The following KIF13A variants were observed in gnomAD, a reference collection of about 807,000 sequenced individuals.
KIF13A encodes kinesin-like protein KIF13A.
KIF13A carries 79 observed loss-of-function variants against 212.2 expected under a neutral mutation model. The ratio of observed to expected loss-of-function variants is 0.37; its 90% confidence interval spans 0.31 to 0.45. The LOEUF is 0.45. Among genes scored for constraint, KIF13A ranks in the 20% least tolerant of loss-of-function variants. The pLI, the probability that KIF13A is intolerant of heterozygous loss-of-function variation, is 1.00. For synonymous variants in KIF13A, 789 were observed against 808.6 expected (o/e 0.98, Z 0.41); for missense variants, 1,901 against 2,209.0 (o/e 0.86, Z 2.79).
At chr6:17,959,705 TGG>T (rs1193972885) in intron 2 of KIF13A, among the ~76,000 whole-genome samples, 7 of 152,246 alleles carry the variant, frequency 4.6e-5, no homozygotes, top group Admixed American at 1.3e-4. Flanking sequence ...GGACATCTAA[TGG>T]TAGCTTTCCT....
chr6:17,786,281 C>T lies in KIF13A; in HGVS notation c.3362-640G>A, dbSNP rs78604057. 0.04 allele frequency among the ~76,000 whole-genome samples: 6,063 copies of T among 152,192 alleles called. 303 individuals carry two copies. Among genetic ancestry groups the T allele is most frequent in the African/African-American group, 0.11 (4,701 of 41,494 alleles). On this transcript the variant is annotated intron_variant, in intron 27 of 38. Coordinates refer to ENST00000259711, the MANE Select transcript of KIF13A (RefSeq NM_022113.6). The surrounding 1 kb of genome is among the most constrained non-coding windows in gnomAD (Gnocchi z 5.4). ...TGTGACACTGCTTTATAGAACTATA[C>T]ATGATGTTACAAAGACAGGATTAAA...
intron 2 of KIF13A, among the ~76,000 whole-genome samples, chr6:17,949,169 TG>T (rs1323572888): frequency 2.0e-5 from 3 of 152,204 alleles, no homozygotes; most frequent in Non-Finnish European, 4.4e-5. Flanking sequence ...TAGTCTCCTC[TG>T]GGTCAAAAAG....
At chr6:17,973,271 GACT>G (rs1245327802) in intron 2 of KIF13A, among the ~76,000 whole-genome samples, 1 of 152,152 alleles carries the variant, frequency 6.6e-6, no homozygotes, top group Non-Finnish European at 1.5e-5. Context: ...TATATAAGAT[GACT>G]ACTAATTAAA....
rs746368799 is a variant in KIF13A, at chr6:17,771,224, A to G, written c.4477-6T>C. On this transcript the variant is annotated splice_polypyrimidine_tract_variant and splice_region_variant and intron_variant, in intron 37 of 38. Coordinates refer to ENST00000259711, the MANE Select transcript of KIF13A (RefSeq NM_022113.6). The surrounding 1 kb of genome is among the most constrained non-coding windows in gnomAD (Gnocchi z 5.4). ...GCCTGAGGTGGAGGCATGCTCTGCA[A>G]AGGTTAAGACACACAGATGCATCAC... The G allele has an allele frequency of 1.2e-6, 2 of 1,602,574 alleles. No homozygotes were observed. Among genetic ancestry groups the G allele is most frequent in the Non-Finnish European group, 8.5e-7 (1 of 1,171,176 alleles).
rs71002284 is a variant in KIF13A at position 17,917,235 on chromosome 6, C to CTT, written c.147-19057_147-19056dup. The stretch of plus-strand genomic sequence containing the variant: ...AGCATATTCTACATTTTACACGATT[C>CTT]TTTTTTTTTTTTTTTTTTTTTTTGA... On this transcript the variant is annotated intron_variant, in intron 2 of 38. Transcript: ENST00000259711. 3.8e-3 allele frequency among the ~76,000 whole-genome samples: 301 copies of CTT among 79,054 alleles called. 2 individuals carry two copies. The highest frequency in any genetic ancestry group is 6.9e-3 in the African/African-American group (127 of 18,504). 51.9% of individuals were successfully genotyped at this position (79,054 alleles called of 152,430 possible). A position where few individuals can be genotyped will look rare whatever the true frequency, so the allele number is the denominator to read the frequency against.
chr6:17,976,356 G>A (rs979111931), intron 2 of KIF13A, among the ~76,000 whole-genome samples: 1 of 152,348 alleles, frequency 6.6e-6, no homozygotes, highest in South Asian at 2.1e-4. Flanking sequence ...AAGGCCCGGC[G>A]AGAAATCGAG....
chr6:17,832,958 G>A (rs185480363), intron 12 of KIF13A, among the ~76,000 whole-genome samples: 2 of 138,932 alleles, frequency 1.4e-5, no homozygotes, highest in Admixed American at 7.6e-5. Context: ...AGGTTGCAGT[G>A]AGCCGAGATT....
At position 17,794,512 on chromosome 6, in the gene KIF13A, A is replaced by C. The variant is rs1761868746; in HGVS notation, c.3075+60T>G. 4.5e-6 allele frequency: 7 copies of C among 1,566,954 alleles called. No individual in the cohort carries two copies. The East Asian group carries it at 1.6e-4, about 35-fold the overall frequency. ...AAATAGTTAGAAAATCCCCAGAAACAATGTGTAAGAGTGGAACAGAGAGAA... is the reference window on the plus strand; with the variant it reads ...AAATAGTTAGAAAATCCCCAGAAACCATGTGTAAGAGTGGAACAGAGAGAA... On this transcript the variant is annotated intron_variant, in intron 24 of 38. Transcript: ENST00000259711. This position sits in a 1 kb window ranked among gnomAD's most constrained non-coding sequence, Gnocchi z 4.1.
At chr6:17,766,458 A>G (rs1173328881) in intron 38 of KIF13A, among the ~76,000 whole-genome samples, 1 of 152,062 alleles carries the variant, frequency 6.6e-6, no homozygotes, top group Non-Finnish European at 1.5e-5. Flanking sequence ...GGCTTGTCTC[A>G]AACTGCCGAC....
chr6:17,969,092 C>T (rs1039931445), intron 2 of KIF13A, among the ~76,000 whole-genome samples: 1 of 152,206 alleles, frequency 6.6e-6, no homozygotes, highest in Non-Finnish European at 1.5e-5. Flanking sequence ...ATCCAAGGCA[C>T]TTACTATGTA....
At chr6:17,868,090 G>A (rs1769593632) in intron 4 of KIF13A, among the ~76,000 whole-genome samples, 1 of 152,220 alleles carries the variant, frequency 6.6e-6, no homozygotes, top group East Asian at 1.9e-4. Flanking sequence ...CATGGCTTCA[G>A]CACATTTGAG....
intron 2 of KIF13A, chr6:17,950,907 AC>A: frequency 1.0e-6 from 1 of 983,002 alleles, no homozygotes; most frequent in Non-Finnish European, 1.2e-6. Flanking sequence ...AACCGTATCC[AC>A]CCACCCAGAG....
intron 2 of KIF13A, among the ~76,000 whole-genome samples, chr6:17,913,580 C>T (rs2150508315): frequency 6.6e-6 from 1 of 152,204 alleles, no homozygotes; most frequent in African/African-American, 2.4e-5. Context: ...CAGGTGAGGA[C>T]AAACAGCTGT....
At position 17,914,949 on chromosome 6, in the gene KIF13A, C is replaced by T. The variant is rs549649774; in HGVS notation, c.147-16769G>A. The stretch of plus-strand genomic sequence containing the variant: ...TTCTCAGGATGAAATACACACTGGC[C>T]TATCTGCCACTATTAAAGACTTGAC... On this transcript the variant is annotated intron_variant, in intron 2 of 38. Transcript: ENST00000259711. This position sits in a 1 kb window ranked among gnomAD's most constrained non-coding sequence, Gnocchi z 5.9. 2.0e-5 allele frequency among the ~76,000 whole-genome samples: 3 copies of T among 152,308 alleles called. No individual in the cohort carries two copies. The South Asian group carries it at 6.2e-4, about 32-fold the overall frequency.
rs1771732638 is a variant in KIF13A, at chr6:17,888,283, T to C, written c.159+9885A>G. Among the ~76,000 whole-genome samples, 1 of 152,082 alleles carries C rather than the reference T, an allele frequency of 6.6e-6. No individual in the cohort carries two copies. Among genetic ancestry groups the C allele is most frequent in the African/African-American group, 2.4e-5 (1 of 41,398 alleles). On this transcript the variant is annotated intron_variant, in intron 3 of 38. Coordinates refer to ENST00000259711, the MANE Select transcript of KIF13A (RefSeq NM_022113.6). This position sits in a 1 kb window ranked among gnomAD's most constrained non-coding sequence, Gnocchi z 4.8. The stretch of plus-strand genomic sequence containing the variant: ...GGAAACAATTCCTAGGAAAAACGTA[T>C]AGTGAGAAGGTTATGCTGTCATTGA...
chr6:17,767,769 T>C (rs529844648), intron 38 of KIF13A, among the ~76,000 whole-genome samples: 1 of 152,366 alleles, frequency 6.6e-6, no homozygotes, highest in Non-Finnish European at 1.5e-5. Context: ...AGTTATTTCT[T>C]CTCGAGACCA....
At chr6:17,848,004 G>T (rs780265912) in intron 9 of KIF13A, among the ~76,000 whole-genome samples, 67 of 151,850 alleles carry the variant, frequency 4.4e-4, no homozygotes, top group African/African-American at 1.6e-3. Context: ...GTACAGAAGG[G>T]TTTCATCATA....
intron 3 of KIF13A, chr6:17,881,674 C>G (rs992309537): frequency 5.4e-5 from 18 of 330,408 alleles, no homozygotes; most frequent in Non-Finnish European, 7.1e-5. Context: ...TCCAGCCTGG[C>G]GACAGAGCTA....
At chr6:17,935,683 C>A (rs1581780251) in intron 2 of KIF13A, among the ~76,000 whole-genome samples, 1 of 152,188 alleles carries the variant, frequency 6.6e-6, no homozygotes, top group African/African-American at 2.4e-5. Context: ...CTACCCTTGA[C>A]AGTCTCATAA....
Sources: gnomAD v4.1 joint callset for allele counts (sites outside exome capture counted in the v4.1 genomes callset) on GRCh38, gnomAD v4.1.1 for gene constraint, Gnocchi (gnomAD v3.1) non-coding constraint, MANE v1.5 for transcripts, NCBI Gene and HGNC (gene_info 2026-07-23, HGNC 2026-07-21) for gene names.